Variants in NIPSNAP3B observed in about 807,000 individuals in gnomAD.
The protein encoded by NIPSNAP3B is protein NipSnap homolog 3B.
In NIPSNAP3B, 30 loss-of-function variants were observed where a neutral mutation model predicts 31.5. The observed-to-expected ratio is 0.95, with a 90% CI of 0.71 to 1.29. The LOEUF is 1.29. Ranked by LOEUF, NIPSNAP3B falls within the 50% of genes most tolerant of loss-of-function variation. NIPSNAP3B has a pLI of 0.00. For synonymous variants in NIPSNAP3B, 106 were observed against 107.9 expected (o/e 0.98, Z 0.11); for missense variants, 269 against 300.7 (o/e 0.89, Z 0.78).
chr9:104,768,950 G>C lies in NIPSNAP3B; in HGVS notation c.359G>C (p.Arg120Pro). ...QEQSIIPNLA[R>P]IDKQETEITY... ...CAATCTATCATTCCAAATTTGGCTC[G>C]CATTGATAAACAAGAGACGGAAATT... Residue 120 changes from arginine (R) to proline (P), a missense_variant, in exon 3 of 6, where the codon CGC becomes CCC. Physicochemically the swap from Arg to Pro is moderately radical, Grantham distance 103. Coordinates refer to ENST00000374762, the MANE Select transcript of NIPSNAP3B (RefSeq NM_018376.4). 6.2e-7 allele frequency: 1 copy of C among 1,613,806 alleles called. No individual in the cohort carries two copies. The highest frequency in any genetic ancestry group is 8.5e-7 in the Non-Finnish European group (1 of 1,179,862).
chr9:104,786,242 G>C, the NIPSNAP3B span: 1 of 1,384,356 alleles, frequency 7.2e-7, no homozygotes, highest in Non-Finnish European at 1.0e-6. Context: ...ACTCACAAAA[G>C]AATAAATATC....
At position 104,767,310 on chromosome 9, in the gene NIPSNAP3B, T is replaced by A. The variant is rs555411416; in HGVS notation, c.271+775T>A. Reference sequence around the variant, plus strand: ...ACCCTAGGGAGGTAAGGAAAAGGAATGAGAGACAGTCCTTCCCATATTGAA... The same window carrying A: ...ACCCTAGGGAGGTAAGGAAAAGGAAAGAGAGACAGTCCTTCCCATATTGAA... On this transcript the variant is annotated intron_variant, in intron 2 of 5. Transcript: ENST00000374762. Among the ~76,000 whole-genome samples the A allele has an allele frequency of 2.0e-5, 3 of 152,236 alleles. No individual in the cohort carries two copies. The East Asian group carries it at 5.8e-4, about 29-fold the overall frequency.
the NIPSNAP3B span, chr9:104,785,300 T>G: frequency 6.6e-7 from 1 of 1,515,172 alleles, no homozygotes; most frequent in Non-Finnish European, 9.1e-7. Context: ...CAAGCACCAA[T>G]TCAAGATACA....
chr9:104,779,335 A>G (rs1828403001), downstream of NIPSNAP3B, among the ~76,000 whole-genome samples: 1 of 152,204 alleles, frequency 6.6e-6, no homozygotes, highest in Non-Finnish European at 1.5e-5. Context: ...ACCCCCTAGT[A>G]CCTAGAGAAG....
the NIPSNAP3B span, chr9:104,785,628 C>G: frequency 6.2e-7 from 1 of 1,614,006 alleles, no homozygotes; most frequent in Non-Finnish European, 8.5e-7. Flanking sequence ...TATTGTATAA[C>G]CATCTCCAAA....
At chr9:104,785,562 C>T in the NIPSNAP3B span, 1 of 1,613,828 alleles carries the variant, frequency 6.2e-7, no homozygotes, top group South Asian at 1.1e-5. Context: ...AAATGCAAGT[C>T]CAAAGAAATC....
At chr9:104,780,471 C>G (rs552782035), downstream of NIPSNAP3B, among the ~76,000 whole-genome samples, 21 of 152,204 alleles carry the variant, frequency 1.4e-4, no homozygotes, top group Non-Finnish European at 2.8e-4. Context: ...TTTATCAGCA[C>G]TGCTCATATG....
Position 104,775,040 on chromosome 9 carries a change from C to T in NIPSNAP3B, c.*1967C>T, listed in dbSNP as rs982561211. 1.3e-5 allele frequency among the ~76,000 whole-genome samples: 2 copies of T among 151,996 alleles called. No individual in the cohort carries two copies. Among genetic ancestry groups the T allele is most frequent in the African/African-American group, 4.8e-5 (2 of 41,372 alleles). ...TTCTCTCCTTTCACTGTGGATGAAC[C>T]GCCCGTGCCCCAAGCAAAGACAAAC... On this transcript the variant is annotated 3_prime_UTR_variant, in exon 6 of 6. Coordinates refer to ENST00000374762, the MANE Select transcript of NIPSNAP3B (RefSeq NM_018376.4).
intron 1 of NIPSNAP3B, 111 bp downstream of exon 1, chr9:104,764,411 C>T: frequency 1.1e-6 from 1 of 895,298 alleles, no homozygotes; most frequent in Non-Finnish European, 1.6e-6. Flanking sequence ...TGGGGCCCCG[C>T]GCCGCCGCCG....
the NIPSNAP3B span, chr9:104,784,030 G>T: frequency 4.9e-5 from 17 of 348,354 alleles, no homozygotes; most frequent in Middle Eastern, 8.7e-4. Flanking sequence ...AAACCCATAT[G>T]TCCATTGGGT....
At chr9:104,790,655 TA>T in the NIPSNAP3B span, among the ~76,000 whole-genome samples, 6 of 152,162 alleles carry the variant, frequency 3.9e-5, no homozygotes, top group African/African-American at 4.8e-5. Context: ...ATTATACTCT[TA>T]AAAAACAAGC....
At chr9:104,782,675 C>T (rs1200843186), downstream of NIPSNAP3B, 1 of 152,078 alleles carries the variant, frequency 6.6e-6, no homozygotes, top group Non-Finnish European at 1.5e-5. Context: ...TTGAGACTGT[C>T]AGATTTAATG....
At chr9:104,769,080 T>C (rs2472478) in intron 3 of NIPSNAP3B, 59 bp downstream of exon 3, 826,152 of 1,311,152 alleles carry the variant, frequency 0.63, 262,664 homozygotes, top group Admixed American at 0.74. Context: ...AGACCTAAAG[T>C]TATAAAGAGT....
Position 104,764,267 on chromosome 9 carries a change from C to G in NIPSNAP3B, c.27C>G (p.Thr9=). 1 of 1,599,274 alleles carries G rather than the reference C, an allele frequency of 6.3e-7. No homozygotes were observed. Among genetic ancestry groups the G allele is most frequent in the Non-Finnish European group, 8.5e-7 (1 of 1,174,908 alleles). The change falls in exon 1 of 6, where the codon ACC becomes ACG. Residue 9 remains threonine (T), a synonymous_variant. Coordinates refer to ENST00000374762, the MANE Select transcript of NIPSNAP3B (RefSeq NM_018376.4). The part of the protein sequence containing the change: MLVLRSGL[T]KALASRTLAP... ...TGCTCGTTCTCAGAAGCGGCCTGAC[C>G]AAGGCGCTTGCCTCACGGACGCTCG...
chr9:104,787,203 T>C, the NIPSNAP3B span, among the ~76,000 whole-genome samples: 10 of 152,208 alleles, frequency 6.6e-5, no homozygotes, highest in Non-Finnish European at 1.0e-4. Context: ...CTGAGTACTT[T>C]TTTATGTAAT....
At chr9:104,780,557 C>A (rs549778946), downstream of NIPSNAP3B, among the ~76,000 whole-genome samples, 2 of 152,312 alleles carry the variant, frequency 1.3e-5, no homozygotes, top group Admixed American at 6.5e-5. Context: ...TCCATATCTA[C>A]TTCGCCTTCC....
intron 4 of NIPSNAP3B, 121 bp downstream of exon 4, chr9:104,771,119 G>T (rs1588168604): frequency 1.2e-6 from 1 of 835,934 alleles, no homozygotes; most frequent in East Asian, 2.5e-5. Flanking sequence ...TTGTTTATAG[G>T]ATTGAAAAAA....
chr9:104,766,972 T>C (rs1828101969), intron 2 of NIPSNAP3B, among the ~76,000 whole-genome samples: 1 of 152,142 alleles, frequency 6.6e-6, no homozygotes, highest in Non-Finnish European at 1.5e-5. Context: ...TTGACGAAGA[T>C]GGAATACTGG....
chr9:104,766,524 T>G lies in NIPSNAP3B; in HGVS notation c.260T>G (p.Ile87Ser), dbSNP rs142818398. ...FGGRTNKVFH[I>S]WKYDNFAHRA... ...GGCAGAACGAATAAAGTGTTTCATA[T>G]TTGGAAGTATGGTAAAGAGTCATCC... The change falls in exon 2 of 6, where the codon ATT (isoleucine) becomes AGT (serine). Residue 87 changes from isoleucine to serine, a missense_variant. Physicochemically the swap from Ile to Ser is moderately radical, Grantham distance 142. Coordinates refer to ENST00000374762, the MANE Select transcript of NIPSNAP3B (RefSeq NM_018376.4). 6.2e-7 allele frequency: 1 copy of G among 1,612,930 alleles called. No homozygotes were observed. The highest frequency in any genetic ancestry group is 8.5e-7 in the Non-Finnish European group (1 of 1,179,350).
Sources: gnomAD v4.1 joint callset for allele counts (sites outside exome capture counted in the v4.1 genomes callset) on GRCh38, gnomAD v4.1.1 for gene constraint, MANE v1.5 for transcripts, NCBI Gene and HGNC (gene_info 2026-07-23, HGNC 2026-07-21) for gene names.